GLDN: variants seen among roughly 807,000 people sequenced by gnomAD.
GLDN encodes the protein gliomedin.
In GLDN, 47 loss-of-function variants were observed where a neutral mutation model predicts 56.5. That is an observed-to-expected ratio of 0.83 (90% CI 0.66 to 1.06). The LOEUF (loss-of-function observed/expected upper bound fraction) is 1.06, where lower values mean the gene tolerates loss of function less well. Ranked by LOEUF, GLDN falls within the 50% of genes least tolerant of loss-of-function variation. The probability of loss-of-function intolerance (pLI) is 0.00; values close to 1 mark genes in which losing one functional copy is unlikely to be tolerated. For missense variants in GLDN, 782 were observed against 714.3 expected, an observed-to-expected ratio of 1.09 and a Z score of -1.08; for synonymous variants, 332 against 278.8, an observed-to-expected ratio of 1.19 and a Z score of -1.90.
intron 1 of GLDN, among the ~76,000 whole-genome samples, chr15:51,372,758 T>C (rs1452257009): frequency 6.6e-6 from 1 of 152,220 alleles, no homozygotes; most frequent in Non-Finnish European, 1.5e-5. Context: ...GTTCCAGGCC[T>C]GGGACCGGGC....
chr15:51,402,987 T>C (rs184965383), intron 9 of GLDN, among the ~76,000 whole-genome samples: 93 of 152,312 alleles, frequency 6.1e-4, no homozygotes, highest in Middle Eastern at 3.4e-3. Flanking sequence ...CACTGAATCT[T>C]GTGGTTCCCT....
rs547094560 is a variant in GLDN at position 51,383,397 on chromosome 15, C to T, written c.416-39C>T. 65 of 1,611,784 alleles carry T rather than the reference C, an allele frequency of 4.0e-5. No homozygotes were observed. The East Asian group carries it at 6.0e-4, about 15-fold the overall frequency. ...GGGGGTGCTCTTTGTTTTCTGGGTTCGGTGCTGGTTTCTCAACTAAATTTT... is the reference window on the plus strand; with the variant it reads ...GGGGGTGCTCTTTGTTTTCTGGGTTTGGTGCTGGTTTCTCAACTAAATTTT... On this transcript the variant is annotated intron_variant, in intron 2 of 9. Transcript: ENST00000335449.
At chr15:51,384,254 C>T (rs1396004662) in intron 4 of GLDN, 2 of 282,248 alleles carry the variant, frequency 7.1e-6, no homozygotes, top group Non-Finnish European at 1.3e-5. Flanking sequence ...CTGCCTTGCC[C>T]TCTATTGCCT....
rs552409948 is a variant in GLDN at position 51,355,952 on chromosome 15, A to C, written c.363+13905A>C. ...GCCGGGTGTGGTGGCTCACGCCTGTAATCCCAACACTTTGGGAGGCCAAGG... is the reference window on the plus strand; with the variant it reads ...GCCGGGTGTGGTGGCTCACGCCTGTCATCCCAACACTTTGGGAGGCCAAGG... On this transcript the variant is annotated intron_variant, in intron 1 of 9. Transcript: ENST00000335449. 1.4e-4 allele frequency among the ~76,000 whole-genome samples: 21 copies of C among 150,534 alleles called. No homozygotes were observed. The South Asian group carries it at 4.3e-3, about 31-fold the overall frequency.
At chr15:51,376,644 A>G (rs2037636621) in intron 1 of GLDN, among the ~76,000 whole-genome samples, 1 of 152,244 alleles carries the variant, frequency 6.6e-6, no homozygotes, top group South Asian at 2.1e-4. Flanking sequence ...CAACACAAAC[A>G]CATTGTACAG....
chr15:51,410,149 C>A (rs1341039906), downstream of GLDN, among the ~76,000 whole-genome samples: 1 of 152,206 alleles, frequency 6.6e-6, no homozygotes, highest in African/African-American at 2.4e-5. Context: ...GTCTCCTGGG[C>A]AATCTGCACA....
chr15:51,356,749 G>T (rs2037194866), intron 1 of GLDN, among the ~76,000 whole-genome samples: 1 of 152,118 alleles, frequency 6.6e-6, no homozygotes, highest in South Asian at 2.1e-4. Context: ...TAACCTACAA[G>T]TTATCATAAG....
At chr15:51,382,800 G>T (rs1016320292) in intron 2 of GLDN, among the ~76,000 whole-genome samples, 1 of 152,116 alleles carries the variant, frequency 6.6e-6, no homozygotes, top group African/African-American at 2.4e-5. Context: ...TAGCTTGTCT[G>T]AGTACTCAAA....
intron 1 of GLDN, among the ~76,000 whole-genome samples, chr15:51,345,729 G>A (rs1009149910): frequency 6.6e-6 from 1 of 152,094 alleles, no homozygotes; most frequent in Non-Finnish European, 1.5e-5. Flanking sequence ...ATAGTATCTC[G>A]AATTGTCCTA....
In GLDN at chr15:51,407,642, C is replaced by T. The variant is rs377435408; in HGVS notation, c.*2888C>T. On this transcript the variant is annotated 3_prime_UTR_variant, in exon 10 of 10. Coordinates refer to ENST00000335449, the MANE Select transcript of GLDN (RefSeq NM_181789.4). ...GTTCTGGTCTCCAAGTATCGTTAAG[C>T]ACAGGTGCTATGACAGAAAAAGTTC... is the stretch of plus-strand genomic sequence containing the variant. 18 of 152,344 alleles carry T rather than the reference C, an allele frequency of 1.2e-4. No homozygotes were observed. The East Asian group carries it at 3.3e-3, about 28-fold the overall frequency. The allele number at this position is 152,344 out of a possible 1,614,324, so 9.4% of individuals were successfully genotyped here.
intron 5 of GLDN, among the ~76,000 whole-genome samples, chr15:51,395,972 G>C (rs971528134): frequency 6.6e-6 from 1 of 152,072 alleles, no homozygotes; most frequent in Non-Finnish European, 1.5e-5. Context: ...ACCGAATCTC[G>C]CAATAACTCA....
At chr15:51,382,339 C>T (rs557199700) in intron 2 of GLDN, among the ~76,000 whole-genome samples, 11 of 152,192 alleles carry the variant, frequency 7.2e-5, no homozygotes, top group African/African-American at 2.6e-4. Flanking sequence ...GTGAACACAA[C>T]AGGATACAGG....
chr15:51,397,431 C>A, intron 5 of GLDN, 39 bp from the exon 6 acceptor site: 1 of 1,203,868 alleles, frequency 8.3e-7, no homozygotes, highest in Non-Finnish European at 1.1e-6. Flanking sequence ...CCTTCTACCT[C>A]TTGCCTCCTT....
intron 4 of GLDN, among the ~76,000 whole-genome samples, chr15:51,387,848 C>T (rs1258413749): frequency 6.6e-6 from 1 of 151,960 alleles, no homozygotes; most frequent in South Asian, 2.1e-4. Context: ...CATTTACTGC[C>T]GGACACTCCA....
intron 1 of GLDN, among the ~76,000 whole-genome samples, chr15:51,363,861 A>G (rs2037350571): frequency 6.6e-6 from 1 of 152,178 alleles, no homozygotes. Flanking sequence ...AATTATTTGG[A>G]CTATAGAATT....
intron 1 of GLDN, among the ~76,000 whole-genome samples, chr15:51,344,457 A>G (rs1419754027): frequency 6.6e-6 from 1 of 152,198 alleles, no homozygotes; most frequent in Non-Finnish European, 1.5e-5. Flanking sequence ...TGCTTTTCTC[A>G]GAACAATTAT....
chr15:51,378,606 T>C (rs2037687949), intron 2 of GLDN, among the ~76,000 whole-genome samples: 1 of 152,208 alleles, frequency 6.6e-6, no homozygotes, highest in East Asian at 1.9e-4. Flanking sequence ...TTAGGAGAGA[T>C]TGGCAGAGAG....
intron 1 of GLDN, among the ~76,000 whole-genome samples, chr15:51,365,623 C>T (rs1202388699): frequency 3.9e-5 from 6 of 152,256 alleles, no homozygotes; most frequent in Admixed American, 6.5e-5. Context: ...AGTGAGTGGA[C>T]GAGCTAGAAT....
At chr15:51,360,063 C>T (rs2037262890) in intron 1 of GLDN, among the ~76,000 whole-genome samples, 2 of 151,664 alleles carry the variant, frequency 1.3e-5, no homozygotes, top group Admixed American at 1.3e-4. Context: ...ATAAGTTTAT[C>T]ACTCAGTCAG....
Sources: gnomAD v4.1 joint callset for allele counts (sites outside exome capture counted in the v4.1 genomes callset) on GRCh38, gnomAD v4.1.1 for gene constraint, MANE v1.5 for transcripts, NCBI Gene and HGNC (gene_info 2026-07-23, HGNC 2026-07-21) for gene names.